The following ESRRG variants were observed in gnomAD, a reference collection of about 807,000 sequenced individuals.
ESRRG encodes the protein estrogen related receptor gamma, also known as estrogen-related receptor gamma.
A neutral mutation model predicts 44.0 loss-of-function variants in ESRRG; 13 were observed. That is an observed-to-expected ratio of 0.30 (90% CI 0.19 to 0.47). The LOEUF (loss-of-function observed/expected upper bound fraction) is 0.47, where lower values mean the gene tolerates loss of function less well. Ranked by LOEUF, ESRRG falls within the 20% of genes least tolerant of loss-of-function variation. The probability of loss-of-function intolerance (pLI) is 1.00; values close to 1 mark genes in which losing one functional copy is unlikely to be tolerated. For missense variants in ESRRG, 395 were observed against 580.6 expected (o/e 0.68, Z 3.29); for synonymous variants, 215 against 214.6 (o/e 1.00, Z -0.02).
chr1:216,608,835 C>T (rs1221991312), intron 3 of ESRRG, among the ~76,000 whole-genome samples: 1 of 152,154 alleles, frequency 6.6e-6, no homozygotes, highest in African/African-American at 2.4e-5. Flanking sequence ...AACCACTTTA[C>T]CAATTCCCTC....
At chr1:216,687,663 T>C (rs751015360) in intron 1 of ESRRG, among the ~76,000 whole-genome samples, 10 of 152,170 alleles carry the variant, frequency 6.6e-5, no homozygotes, top group Non-Finnish European at 1.5e-4. Context: ...CATCTGAAGA[T>C]TGCATTTTAA....
intron 2 of ESRRG, among the ~76,000 whole-genome samples, chr1:216,820,198 C>T (rs768910203): frequency 1.3e-3 from 192 of 152,300 alleles, no homozygotes; most frequent in Non-Finnish European, 2.2e-3. Flanking sequence ...CATTTTCATT[C>T]AACACTCACA....
intron 3 of ESRRG, among the ~76,000 whole-genome samples, chr1:216,604,305 G>C (rs1455299219): frequency 2.6e-5 from 4 of 152,194 alleles, no homozygotes; most frequent in Non-Finnish European, 1.5e-5. Flanking sequence ...AAGAGGGCCT[G>C]TTGGACTGAG....
At chr1:216,865,054 C>T (rs1316551030) in intron 2 of ESRRG, 1 of 151,786 alleles carries the variant, frequency 6.6e-6, no homozygotes, top group Non-Finnish European at 1.5e-5. Context: ...GAAAATGATA[C>T]TTTTACCTTA....
intron 2 of ESRRG, among the ~76,000 whole-genome samples, chr1:216,764,951 C>T (rs1186652539): frequency 4.6e-5 from 7 of 151,986 alleles, no homozygotes; most frequent in African/African-American, 4.8e-5. Context: ...GTGGAACAGC[C>T]GCCCTTCAGG....
chr1:217,089,180 A>G (rs2092276558), intron 1 of ESRRG, among the ~76,000 whole-genome samples: 1 of 151,740 alleles, frequency 6.6e-6, no homozygotes, highest in Non-Finnish European at 1.5e-5. Flanking sequence ...TTGCCACTTT[A>G]CCAAGCACTG....
chr1:216,569,185 GGGAAGGGAAAGGAAAGGAAAGGAAA>G (rs2060285463), intron 3 of ESRRG, among the ~76,000 whole-genome samples: 1 of 51,562 alleles, frequency 1.9e-5, no homozygotes, highest in Admixed American at 2.2e-4. Flanking sequence ...GGGAAGGGAA[GGGAAGGGAAAGGAAAGGAAAGGAAA>G]GGAAAGGAAA....
intron 1 of ESRRG, among the ~76,000 whole-genome samples, chr1:217,107,597 T>C (rs1297764868): frequency 6.6e-6 from 1 of 152,222 alleles, no homozygotes; most frequent in East Asian, 1.9e-4. Context: ...AACATTTCAT[T>C]GTGGGTAGTT....
At chr1:216,591,924 C>T (rs1294083972) in intron 3 of ESRRG, among the ~76,000 whole-genome samples, 1 of 152,182 alleles carries the variant, frequency 6.6e-6, no homozygotes, top group Non-Finnish European at 1.5e-5. Flanking sequence ...TCTTATTACT[C>T]TCCAAGGGGG....
chr1:216,983,686 ATG>A (rs6143621), intron 1 of ESRRG, among the ~76,000 whole-genome samples: 48,464 of 149,146 alleles, frequency 0.32, 9,023 homozygotes, highest in Non-Finnish European at 0.44. Context: ...GTGCATGTGC[ATG>A]TGTGTGTGTG....
intron 1 of ESRRG, among the ~76,000 whole-genome samples, chr1:216,717,823 C>T (rs1437825394): frequency 2.0e-5 from 3 of 151,562 alleles, no homozygotes; most frequent in Admixed American, 6.6e-5. Flanking sequence ...TTATGTAGTA[C>T]AGATAAAGGA....
At chr1:216,869,693 C>A (rs1284797591) in intron 2 of ESRRG, among the ~76,000 whole-genome samples, 2 of 151,894 alleles carry the variant, frequency 1.3e-5, no homozygotes, top group African/African-American at 4.8e-5. Flanking sequence ...GTGTATGTCT[C>A]AATTTATTTA....
At chr1:216,721,666 G>A (rs1325908927) in intron 1 of ESRRG, among the ~76,000 whole-genome samples, 1 of 152,108 alleles carries the variant, frequency 6.6e-6, no homozygotes, top group Non-Finnish European at 1.5e-5. Context: ...AGCCTCTGGG[G>A]GATTTTTAAA....
chr1:216,637,000 G>A (rs1471850885), intron 3 of ESRRG, among the ~76,000 whole-genome samples: 8 of 152,174 alleles, frequency 5.3e-5, no homozygotes, highest in Admixed American at 5.2e-4. Flanking sequence ...ATTAATGACT[G>A]CTGGGGAGAC....
rs138086319 is a variant in ESRRG, at chr1:217,130,389, T to G, written c.-230+7278A>C. On this transcript the variant is annotated intron_variant, in intron 1 of 8. Coordinates refer to the ESRRG transcript ENST00000366940. The stretch of plus-strand genomic sequence containing the variant: ...CTCGGACTACAGGCATGCACCACCA[T>G]GCCTGGCTAATTTTTCTTTTTCTTT... 6.2e-3 allele frequency among the ~76,000 whole-genome samples: 945 copies of G among 152,238 alleles called. 10 individuals carry two copies. The highest frequency in any genetic ancestry group is 0.022 in the African/African-American group (905 of 41,552).
intron 2 of ESRRG, among the ~76,000 whole-genome samples, chr1:216,770,837 C>A (rs984718114): frequency 6.6e-6 from 1 of 151,996 alleles, no homozygotes; most frequent in Non-Finnish European, 1.5e-5. Flanking sequence ...CCTGTCTATC[C>A]GTTTATCTTT....
intron 1 of ESRRG, among the ~76,000 whole-genome samples, chr1:217,053,766 C>A (rs908806609): frequency 2.0e-5 from 3 of 151,974 alleles, no homozygotes; most frequent in African/African-American, 7.3e-5. Flanking sequence ...GTTCTTTTGC[C>A]AGCCACCAAA....
At chr1:216,815,634 G>A (rs2095111092) in intron 2 of ESRRG, among the ~76,000 whole-genome samples, 2 of 152,106 alleles carry the variant, frequency 1.3e-5, no homozygotes, top group South Asian at 2.1e-4. Flanking sequence ...CTGCAGTTGC[G>A]ACACAACAGT....
chr1:217,086,121 C>A (rs2092073202), intron 1 of ESRRG, among the ~76,000 whole-genome samples: 1 of 152,164 alleles, frequency 6.6e-6, no homozygotes, highest in Non-Finnish European at 1.5e-5. Context: ...AAACGACAGA[C>A]TCTATTGTTC....
Sources: gnomAD v4.1 joint callset for allele counts (sites outside exome capture counted in the v4.1 genomes callset) on GRCh38, gnomAD v4.1.1 for gene constraint, MANE v1.5 for transcripts, NCBI Gene and HGNC (gene_info 2026-07-23, HGNC 2026-07-21) for gene names.